Variants in COG5 observed in about 807,000 individuals in gnomAD.
COG5 encodes component of oligomeric golgi complex 5, also known as conserved oligomeric Golgi complex subunit 5.
In COG5, 86 loss-of-function variants were observed where a neutral mutation model predicts 110.4. The ratio of observed to expected loss-of-function variants is 0.78; its 90% CI spans 0.65 to 0.93. The LOEUF (loss-of-function observed/expected upper bound fraction) is 0.93. Ranked by LOEUF, COG5 falls within the 40% of genes least tolerant of loss-of-function variation. COG5 has a pLI of 0.00. For missense variants in COG5, 1,077 were observed against 987.0 expected, an observed-to-expected ratio of 1.09 and a Z score of -1.22; for synonymous variants, 360 against 334.6, an observed-to-expected ratio of 1.08 and a Z score of -0.83.
At chr7:107,546,758 C>A (rs1017333706) in intron 5 of COG5, among the ~76,000 whole-genome samples, 11 of 151,644 alleles carry the variant, frequency 7.3e-5, no homozygotes, top group Admixed American at 7.2e-4. Context: ...CAAATATATG[C>A]CAACAAACTG....
intron 21 of COG5, chr7:107,210,177 A>C (rs1799061561): frequency 1.8e-6 from 2 of 1,119,878 alleles, no homozygotes; most frequent in Non-Finnish European, 1.1e-6. Context: ...CCAATTCAGT[A>C]ACTGCAGCAC....
chr7:107,361,638 T>C (rs149413347), intron 10 of COG5, among the ~76,000 whole-genome samples: 1,537 of 152,328 alleles, frequency 0.01, 19 homozygotes, highest in Middle Eastern at 0.051. Context: ...CTCAGCTCAC[T>C]GCAACCTCTG....
intron 3 of COG5, among the ~76,000 whole-genome samples, chr7:107,550,520 CT>C (rs947232962): frequency 6.6e-6 from 1 of 152,186 alleles, no homozygotes; most frequent in Non-Finnish European, 1.5e-5. Flanking sequence ...CTTTCTGCCC[CT>C]CAAACATGCC....
At position 107,262,384 on chromosome 7, in the gene COG5, G is replaced by A. The variant is rs1803425218; in HGVS notation, c.1576-4001C>T. Among the ~76,000 whole-genome samples, 3 of 152,290 alleles carry A rather than the reference G, an allele frequency of 2.0e-5. No homozygotes were observed. The South Asian group carries it at 6.2e-4, about 32-fold the overall frequency. The stretch of plus-strand genomic sequence containing the variant: ...TCAGCAGTGAGTGGTATCTTGAAAG[G>A]AAATGGGATCCAGTGCAACTGTGGA... On this transcript the variant is annotated intron_variant, in intron 14 of 21. Transcript: ENST00000297135.
At chr7:107,456,645 G>A (rs1795684081) in intron 6 of COG5, among the ~76,000 whole-genome samples, 2 of 152,112 alleles carry the variant, frequency 1.3e-5, no homozygotes, top group Non-Finnish European at 2.9e-5. Flanking sequence ...CAGAGAAACA[G>A]TACCAGAAAA....
At chr7:107,488,579 TCACGCC>T (rs1797791805) in intron 6 of COG5, among the ~76,000 whole-genome samples, 1 of 152,180 alleles carries the variant, frequency 6.6e-6, no homozygotes, top group Non-Finnish European at 1.5e-5. Context: ...GTGTGGTAGC[TCACGCC>T]TGTAATCCCA....
chr7:107,508,094 G>C (rs986047572), intron 6 of COG5, among the ~76,000 whole-genome samples: 3 of 152,256 alleles, frequency 2.0e-5, no homozygotes, highest in African/African-American at 7.2e-5. Flanking sequence ...GCCTCACTCG[G>C]GAAGAGCAAG....
At chr7:107,392,666 AT>A (rs1203503604) in intron 7 of COG5, among the ~76,000 whole-genome samples, 5 of 140,770 alleles carry the variant, frequency 3.6e-5, no homozygotes, top group Non-Finnish European at 6.1e-5. Flanking sequence ...GGGAAAGAAT[AT>A]TGAAATACCA....
chr7:107,386,402 G>A (rs1331789137), intron 7 of COG5, among the ~76,000 whole-genome samples: 1 of 152,060 alleles, frequency 6.6e-6, no homozygotes, highest in Non-Finnish European at 1.5e-5. Flanking sequence ...TTTATCTGTC[G>A]TTGGGTCAGG....
intron 16 of COG5, among the ~76,000 whole-genome samples, chr7:107,249,760 A>G (rs1310379546): frequency 6.6e-6 from 1 of 150,732 alleles, no homozygotes; most frequent in African/African-American, 2.4e-5. Context: ...TTTGCCCTCC[A>G]TACAGGAGCT....
chr7:107,410,615 T>G (rs1313209720), intron 7 of COG5, among the ~76,000 whole-genome samples: 1 of 152,076 alleles, frequency 6.6e-6, no homozygotes, highest in South Asian at 2.1e-4. Context: ...GCTAATTTTG[T>G]ATTTTTAGTA....
chr7:107,445,257 A>G (rs1794939889), intron 6 of COG5, among the ~76,000 whole-genome samples: 1 of 152,084 alleles, frequency 6.6e-6, no homozygotes, highest in East Asian at 1.9e-4. Context: ...ACAAAAACAC[A>G]CTCTTCCTAG....
intron 7 of COG5, among the ~76,000 whole-genome samples, chr7:107,390,345 C>T (rs769298384): frequency 7.2e-5 from 11 of 152,096 alleles, no homozygotes; most frequent in Admixed American, 2.0e-4. Context: ...ACCTCTCTTA[C>T]GGCAAGGTAT....
chr7:107,348,836 T>C (rs950215687), intron 10 of COG5, among the ~76,000 whole-genome samples: 3 of 152,018 alleles, frequency 2.0e-5, no homozygotes, highest in Non-Finnish European at 2.9e-5. Flanking sequence ...TATGTAACCA[T>C]AGTACAGTTA....
Position 107,202,461 on chromosome 7 carries a change from C to A in COG5, c.*1055G>T, listed in dbSNP as rs898096015. 6.6e-6 allele frequency: 1 copy of A among 152,464 alleles called. No homozygotes were observed. The highest frequency in any genetic ancestry group is 2.4e-5 in the African/African-American group (1 of 41,382). 9.4% of individuals were successfully genotyped at this position (152,464 alleles called of 1,614,324 possible). A position where few individuals can be genotyped will look rare whatever the true frequency, so the allele number is the denominator to read the frequency against. On this transcript the variant is annotated 3_prime_UTR_variant, in exon 22 of 22. Transcript: ENST00000297135. ...ATCACACTTCTTCATGATGTTGCCC[C>A]TAAATTTTGCACACTATATTCTTGT...
intron 6 of COG5, among the ~76,000 whole-genome samples, chr7:107,435,633 A>G (rs1794322440): frequency 6.6e-6 from 1 of 152,182 alleles, no homozygotes; most frequent in Non-Finnish European, 1.5e-5. Context: ...AGCCTGGGCG[A>G]CAGACACTTT....
intron 17 of COG5, among the ~76,000 whole-genome samples, chr7:107,243,577 C>A (rs1801819164): frequency 6.7e-6 from 1 of 150,022 alleles, no homozygotes; most frequent in Non-Finnish European, 1.5e-5. Context: ...CGGTGGGAGA[C>A]TTCAGCACTC....
chr7:107,468,857 A>G (rs1390691299), intron 6 of COG5, among the ~76,000 whole-genome samples: 1 of 152,086 alleles, frequency 6.6e-6, no homozygotes, highest in Non-Finnish European at 1.5e-5. Flanking sequence ...GCCACATGTA[A>G]TGTCCTCTAT....
At chr7:107,252,162 A>G (rs1802565975) in intron 16 of COG5, among the ~76,000 whole-genome samples, 1 of 152,140 alleles carries the variant, frequency 6.6e-6, no homozygotes, top group Admixed American at 6.5e-5. Context: ...TCAAGGCTGT[A>G]GCACGCCATA....
Sources: allele counts gnomAD v4.1 joint callset (sites outside exome capture counted in the v4.1 genomes callset), GRCh38; gene constraint gnomAD v4.1.1; transcripts MANE v1.5; gene names NCBI Gene and HGNC (gene_info 2026-07-23, HGNC 2026-07-21).